PARN: variants seen among roughly 807,000 people sequenced by gnomAD.
PARN encodes the protein poly(A)-specific ribonuclease PARN.
Under a neutral mutation model 102.8 loss-of-function variants are expected in PARN, and 71 were observed. The observed-to-expected ratio is 0.69, with a 90% CI of 0.57 to 0.84. PARN has a LOEUF of 0.84. Ranked by LOEUF, PARN falls within the 40% of genes least tolerant of loss-of-function variation. The probability of loss-of-function intolerance (pLI) is 0.00; values close to 1 mark genes in which losing one functional copy is unlikely to be tolerated. For synonymous variants in PARN, 261 were observed against 252.9 expected, an observed-to-expected ratio of 1.03 and a Z score of -0.30; for missense variants, 782 against 760.9, an observed-to-expected ratio of 1.03 and a Z score of -0.33.
intron 22 of PARN, among the ~76,000 whole-genome samples, chr16:14,453,294 C>T (rs1961544446): frequency 6.6e-6 from 1 of 152,190 alleles, no homozygotes; most frequent in Non-Finnish European, 1.5e-5. Flanking sequence ...CCATCAAATT[C>T]CACAAGGGTG....
chr16:14,451,011 C>T (rs1393685764), intron 22 of PARN, among the ~76,000 whole-genome samples: 3 of 152,174 alleles, frequency 2.0e-5, no homozygotes, highest in Non-Finnish European at 2.9e-5. Context: ...ATTTAAACTG[C>T]TTGGCACAGC....
intron 21 of PARN, among the ~76,000 whole-genome samples, chr16:14,486,209 C>G (rs1017585804): frequency 6.6e-6 from 1 of 151,976 alleles, no homozygotes; most frequent in African/African-American, 2.4e-5. Flanking sequence ...ACAAAAAAAA[C>G]CACAAAAATT....
intron 22 of PARN, among the ~76,000 whole-genome samples, chr16:14,467,640 T>C (rs1596463441): frequency 1.3e-5 from 2 of 152,194 alleles, no homozygotes; most frequent in African/African-American, 4.8e-5. Context: ...CCTTAAAAAA[T>C]GGCATGAAAA....
chr16:14,629,930 G>C (rs1258412231), intron 1 of PARN, among the ~76,000 whole-genome samples, 177 bp downstream of exon 1: 1 of 152,224 alleles, frequency 6.6e-6, no homozygotes, highest in African/African-American at 2.4e-5. Flanking sequence ...AAGGCTCCTA[G>C]GGTGCACGGT....
intron 21 of PARN, among the ~76,000 whole-genome samples, chr16:14,501,293 AC>A (rs1029800740): frequency 2.3e-5 from 3 of 131,900 alleles, no homozygotes; most frequent in Admixed American, 7.5e-5. Context: ...AAACAAAAAA[AC>A]AATAATAATA....
At chr16:14,617,248 G>A (rs1356256497) in intron 6 of PARN, among the ~76,000 whole-genome samples, 1 of 151,356 alleles carries the variant, frequency 6.6e-6, no homozygotes, top group Admixed American at 6.6e-5. Flanking sequence ...GCCAGGCGTG[G>A]TGGCGGGCAC....
chr16:14,626,544 G>C (rs895881169), intron 5 of PARN, among the ~76,000 whole-genome samples: 1 of 151,932 alleles, frequency 6.6e-6, no homozygotes. Context: ...CTCAAATTCA[G>C]CTTTAGAATT....
At chr16:14,608,099 T>C in intron 9 of PARN, 182 bp downstream of exon 9, 2 of 617,002 alleles carry the variant, frequency 3.2e-6, no homozygotes, top group East Asian at 5.8e-5. Context: ...AAGCATCTGT[T>C]AAAAAACAAT....
intron 18 of PARN, among the ~76,000 whole-genome samples, chr16:14,567,072 A>G (rs1968479413): frequency 1.3e-5 from 2 of 152,248 alleles, no homozygotes; most frequent in Admixed American, 1.3e-4. Context: ...TGAGTGCATT[A>G]AACTTTGAGG....
At position 14,604,198 on chromosome 16, in the gene PARN, A is replaced by G; in HGVS notation, c.731T>C (p.Val244Ala). The G allele has an allele frequency of 6.3e-7, 1 of 1,597,822 alleles. No individual in the cohort carries two copies. The highest frequency in any genetic ancestry group is 8.5e-7 in the Non-Finnish European group (1 of 1,169,822). Reference protein sequence around the residue: ...KKERYIVISKVDEEERKRREQ... With the variant: ...KKERYIVISKADEEERKRREQ... ...TCTTCTTTTGCGTTCTTCTTCATCT[A>G]CTTTGCTGATAACTATATATCGCTC... is the stretch of plus-strand genomic sequence containing the variant. Residue 244 changes from valine (V) to alanine (A), a missense_variant, in exon 11 of 24, where the codon GTA becomes GCA. Transcript: ENST00000437198.
chr16:14,496,688 T>C (rs1410399794), intron 21 of PARN, among the ~76,000 whole-genome samples: 1 of 152,208 alleles, frequency 6.6e-6, no homozygotes, highest in African/African-American at 2.4e-5. Flanking sequence ...TCTGAATAAA[T>C]TCCACTCCAG....
chr16:14,533,221 C>G (rs1359328214), intron 21 of PARN, among the ~76,000 whole-genome samples: 2 of 152,236 alleles, frequency 1.3e-5, no homozygotes, highest in African/African-American at 2.4e-5. Flanking sequence ...CCGGCCAACA[C>G]AGCGAAACCC....
intron 19 of PARN, among the ~76,000 whole-genome samples, chr16:14,555,149 T>C (rs1031510500): frequency 7.2e-5 from 11 of 152,042 alleles, no homozygotes; most frequent in East Asian, 3.9e-4. Context: ...GTGACATGCA[T>C]TAAGGTAAAA....
At chr16:14,602,165 G>C (rs1040248632) in intron 11 of PARN, 1 of 151,894 alleles carries the variant, frequency 6.6e-6, no homozygotes, top group Non-Finnish European at 1.5e-5. Context: ...CTACTGCCAG[G>C]GCTGAATCCA....
At chr16:14,478,801 G>C (rs1317019450) in intron 22 of PARN, among the ~76,000 whole-genome samples, 2 of 152,012 alleles carry the variant, frequency 1.3e-5, no homozygotes, top group Non-Finnish European at 2.9e-5. Context: ...TTTTTTTTGA[G>C]ATGAAGTCTC....
intron 23 of PARN, among the ~76,000 whole-genome samples, chr16:14,446,392 T>G (rs1351159294): frequency 2.0e-5 from 3 of 152,258 alleles, no homozygotes; most frequent in Admixed American, 6.5e-5. Context: ...AGGAGAGAAA[T>G]GGCTCCTACT....
intron 18 of PARN, 47 bp from the exon 19 acceptor site, chr16:14,555,756 G>C: frequency 3.1e-6 from 3 of 971,922 alleles, no homozygotes; most frequent in Non-Finnish European, 4.4e-6. Flanking sequence ...TCCTTTAAAA[G>C]ACAGGCATTT....
intron 22 of PARN, among the ~76,000 whole-genome samples, chr16:14,460,685 C>A (rs1961916217): frequency 2.0e-5 from 3 of 152,146 alleles, no homozygotes; most frequent in Non-Finnish European, 4.4e-5. Flanking sequence ...TAGTACACTG[C>A]AATTTAAAGC....
Position 14,628,163 on chromosome 16 carries a change from T to C in PARN, c.177+9A>G, listed in dbSNP as rs1644295998. Reference sequence around the variant, plus strand: ...AGAAAGAAAAAGATTTCCTAGCACATCCACTTGCCTTTTTAAGCTTCTGAT... The same window carrying C: ...AGAAAGAAAAAGATTTCCTAGCACACCCACTTGCCTTTTTAAGCTTCTGAT... On this transcript the variant is annotated intron_variant, in intron 3 of 23. Transcript: ENST00000437198. The C allele has an allele frequency of 1.3e-6, 2 of 1,494,926 alleles. No individual in the cohort carries two copies. The highest frequency in any genetic ancestry group is 1.4e-5 in the African/African-American group (1 of 72,514). 92.6% of individuals were successfully genotyped at this position (1,494,926 alleles called of 1,614,324 possible).
Sources: allele counts gnomAD v4.1 joint callset (sites outside exome capture counted in the v4.1 genomes callset), GRCh38; gene constraint gnomAD v4.1.1; transcripts MANE v1.5; gene names NCBI Gene and HGNC (gene_info 2026-07-23, HGNC 2026-07-21).